Variants in CDH8 observed in about 807,000 individuals in gnomAD.
CDH8 encodes cadherin 8.
Under a neutral mutation model 68.1 loss-of-function variants are expected in CDH8, and 17 were observed. The observed-to-expected ratio is 0.25, with a 90% CI of 0.17 to 0.37. The LOEUF is 0.37. CDH8 is among the 10% of genes least tolerant of loss of function. The probability of loss-of-function intolerance (pLI) is 1.00; values close to 1 mark genes in which losing one functional copy is unlikely to be tolerated. For missense variants in CDH8, 763 were observed against 999.3 expected (o/e 0.76, Z 3.19); for synonymous variants, 372 against 365.1 (o/e 1.02, Z -0.21).
At position 61,736,117 on chromosome 16, in the gene CDH8, AAGGAAGGAAGGAAGG is replaced by A. The variant is rs1567446512; in HGVS notation, c.1415-8917_1415-8903del. ...AAAGAAGGAAAGAAAGAAAGAAAGG[AAGGAAGGAAGGAAGG>A]AAGGAAGGAAGGAAGGAAGGAAGGA... is the stretch of plus-strand genomic sequence containing the variant. On this transcript the variant is annotated intron_variant, in intron 8 of 11. Transcript: ENST00000577390. 1.7e-3 allele frequency among the ~76,000 whole-genome samples: 250 copies of A among 144,774 alleles called. 1 individual carries two copies. Among genetic ancestry groups the A allele is most frequent in the Non-Finnish European group, 3.0e-3 (196 of 65,980 alleles). The allele number at this position is 144,774 out of a possible 152,430, so 95.0% of individuals were successfully genotyped here.
At chr16:61,745,754 C>T (rs1444534533) in intron 8 of CDH8, among the ~76,000 whole-genome samples, 2 of 151,804 alleles carry the variant, frequency 1.3e-5, no homozygotes, top group Non-Finnish European at 2.9e-5. Context: ...CACTTGTTAT[C>T]TATTTTCTTG....
At chr16:61,898,726 G>A (rs570913622) in intron 3 of CDH8, among the ~76,000 whole-genome samples, 1 of 152,254 alleles carries the variant, frequency 6.6e-6, no homozygotes, top group South Asian at 2.1e-4. Flanking sequence ...AGATTACACA[G>A]CAGTCAGTAG....
intron 8 of CDH8, among the ~76,000 whole-genome samples, chr16:61,760,037 C>A (rs1960423160): frequency 2.0e-5 from 3 of 151,970 alleles, no homozygotes; most frequent in Admixed American, 6.6e-5. Flanking sequence ...CCCACCCCAA[C>A]CCAAGGAAAC....
At chr16:61,778,580 T>C (rs1960959415) in intron 8 of CDH8, among the ~76,000 whole-genome samples, 1 of 152,286 alleles carries the variant, frequency 6.6e-6, no homozygotes, top group African/African-American at 2.4e-5. Flanking sequence ...AAGGGCCCTA[T>C]TAACTAGAAG....
chr16:61,862,429 G>A (rs894516577), intron 3 of CDH8, among the ~76,000 whole-genome samples: 1 of 152,056 alleles, frequency 6.6e-6, no homozygotes, highest in Non-Finnish European at 1.5e-5. Context: ...ACTGGGCTGG[G>A]GACTGCAACA....
intron 10 of CDH8, among the ~76,000 whole-genome samples, chr16:61,705,557 C>T (rs1964511000): frequency 2.0e-5 from 3 of 152,258 alleles, no homozygotes; most frequent in Middle Eastern, 3.4e-3. Context: ...CGACATACCT[C>T]ATCTGAGCTC....
At chr16:61,956,316 TAA>T (rs1278681965) in intron 2 of CDH8, among the ~76,000 whole-genome samples, 3 of 152,164 alleles carry the variant, frequency 2.0e-5, no homozygotes, top group Non-Finnish European at 4.4e-5. Flanking sequence ...TGTTTTGTTC[TAA>T]AAGAGGCAAG....
chr16:61,717,690 C>T (rs1046852048), intron 9 of CDH8, among the ~76,000 whole-genome samples: 2 of 151,350 alleles, frequency 1.3e-5, no homozygotes, highest in Non-Finnish European at 3.0e-5. Flanking sequence ...CCGTGAGTTC[C>T]TGTAGATATT....
Position 61,649,188 on chromosome 16 carries a change from G to A in CDH8, c.*4420C>T, listed in dbSNP as rs1392008896. The A allele has an allele frequency of 6.6e-6, 1 of 151,772 alleles. No individual in the cohort carries two copies. The highest frequency in any genetic ancestry group is 1.5e-5 in the Non-Finnish European group (1 of 67,908). The allele number at this position is 151,772 out of a possible 1,614,324, so 9.4% of individuals were successfully genotyped here. On this transcript the variant is annotated 3_prime_UTR_variant, in exon 12 of 12. Coordinates refer to ENST00000577390, the MANE Select transcript of CDH8 (RefSeq NM_001796.5). The stretch of plus-strand genomic sequence containing the variant: ...AAAAGTCTAAGTACAGCCTCACAAC[G>A]TGACATATTTAATTCTAATCCCAGG...
At chr16:61,882,521 G>A (rs558453633) in intron 3 of CDH8, among the ~76,000 whole-genome samples, 117 of 152,290 alleles carry the variant, frequency 7.7e-4, no homozygotes, top group African/African-American at 2.7e-3. Context: ...CAAAAATTTT[G>A]AGAAATGTCT....
intron 8 of CDH8, among the ~76,000 whole-genome samples, chr16:61,732,077 T>A (rs1959552422): frequency 6.6e-6 from 1 of 150,544 alleles, no homozygotes; most frequent in Non-Finnish European, 1.5e-5. Context: ...AGAACAGCAG[T>A]TAAAAAAAAA....
In CDH8 at chr16:62,021,380, C is replaced by T. The variant is rs764463963; in HGVS notation, c.24G>A (p.Met8Ile). Residue 8 changes from methionine (M) to isoleucine (I), a missense_variant, in exon 2 of 12, where the codon ATG becomes ATA. Coordinates refer to ENST00000577390, the MANE Select transcript of CDH8 (RefSeq NM_001796.5). ...TTAATGGAGTCCAGAGATCCAAGAGCATTTCCGCTAGCCGTTCTGGCATGG... is the reference window on the plus strand; with the variant it reads ...TTAATGGAGTCCAGAGATCCAAGAGTATTTCCGCTAGCCGTTCTGGCATGG... MPERLAEMLLDLWTPLII... is the reference protein window; with the variant it reads MPERLAEILLDLWTPLII... 1 of 1,611,078 alleles carries T rather than the reference C, an allele frequency of 6.2e-7. No homozygotes were observed. Among genetic ancestry groups the T allele is most frequent in the Non-Finnish European group, 8.5e-7 (1 of 1,177,768 alleles).
intron 11 of CDH8, 69 bp downstream of exon 11, chr16:61,655,401 C>CGGT: frequency 6.5e-7 from 1 of 1,527,564 alleles, no homozygotes; most frequent in Non-Finnish European, 9.0e-7. Context: ...TCAGAGTTTT[C>CGGT]TGTCCTTATT....
At chr16:61,809,057 A>G (rs531925337) in intron 7 of CDH8, among the ~76,000 whole-genome samples, 2 of 152,192 alleles carry the variant, frequency 1.3e-5, no homozygotes, top group South Asian at 4.1e-4. Context: ...ATGGTGGCCC[A>G]TGCCTGTAAT....
chr16:61,893,011 C>T (rs879915458), intron 3 of CDH8, among the ~76,000 whole-genome samples: 4 of 152,054 alleles, frequency 2.6e-5, no homozygotes, highest in Admixed American at 2.6e-4. Flanking sequence ...TGACAAATTA[C>T]CAAAAATGCT....
chr16:61,723,315 G>C (rs1959249969), intron 9 of CDH8, among the ~76,000 whole-genome samples: 2 of 150,622 alleles, frequency 1.3e-5, no homozygotes, highest in Admixed American at 1.3e-4. Flanking sequence ...TATATTGAAG[G>C]AAGATACTGG....
At chr16:61,688,128 AG>A (rs2142822560) in intron 10 of CDH8, among the ~76,000 whole-genome samples, 1 of 152,134 alleles carries the variant, frequency 6.6e-6, no homozygotes, top group East Asian at 1.9e-4. Context: ...CTGTACTTTT[AG>A]AGGGAGAAGG....
intron 4 of CDH8, among the ~76,000 whole-genome samples, chr16:61,825,797 GT>G (rs1356487885): frequency 1.3e-5 from 2 of 151,688 alleles, no homozygotes; most frequent in East Asian, 3.9e-4. Context: ...GTAGCAAATA[GT>G]TTAGAAAAAT....
chr16:61,829,772 A>G (rs1962417082), intron 4 of CDH8, among the ~76,000 whole-genome samples: 3 of 151,768 alleles, frequency 2.0e-5, no homozygotes, highest in Non-Finnish European at 4.4e-5. Flanking sequence ...TTCAATTCAA[A>G]CTGAATAATG....
Sources: gnomAD v4.1 joint callset for allele counts (sites outside exome capture counted in the v4.1 genomes callset) on GRCh38, gnomAD v4.1.1 for gene constraint, MANE v1.5 for transcripts, NCBI Gene and HGNC (gene_info 2026-07-23, HGNC 2026-07-21) for gene names.